Variants in HDAC9 observed in about 807,000 individuals in gnomAD.
The protein encoded by HDAC9 is histone deacetylase 9, also known as MEF-2 interacting transcription repressor (MITR) protein.
In HDAC9, 41 loss-of-function variants were observed where a neutral mutation model predicts 139.4. The observed-to-expected ratio is 0.29, with a 90% CI of 0.23 to 0.38. The LOEUF is 0.38. HDAC9 is among the 10% of genes least tolerant of loss of function. The pLI, the probability that HDAC9 is intolerant of heterozygous loss-of-function variation, is 1.00. For missense variants in HDAC9, 1,147 were observed against 1,297.0 expected, an observed-to-expected ratio of 0.88 and a Z score of 1.78; for synonymous variants, 517 against 476.2, an observed-to-expected ratio of 1.09 and a Z score of -1.12.
At chr7:18,151,520 C>T (rs968486674) in intron 1 of HDAC9, among the ~76,000 whole-genome samples, 1 of 152,198 alleles carries the variant, frequency 6.6e-6, no homozygotes, top group African/African-American at 2.4e-5. Context: ...AATGTCTTTG[C>T]AGCCTCCTTG....
intron 3 of HDAC9, among the ~76,000 whole-genome samples, chr7:18,587,287 T>C (rs1284885018): frequency 2.6e-5 from 4 of 152,172 alleles, no homozygotes; most frequent in Admixed American, 2.0e-4. Context: ...CTGGAAAATA[T>C]TGGAAAAGTG....
chr7:18,303,375 T>TTGTG (rs71014320), intron 1 of HDAC9, among the ~76,000 whole-genome samples: 15,421 of 127,346 alleles, frequency 0.12, 1,075 homozygotes, highest in Non-Finnish European at 0.15. Context: ...CCCAGCCAAT[T>TTGTG]TGTGTGTGTG....
intron 2 of HDAC9, among the ~76,000 whole-genome samples, chr7:18,190,960 AAATACTTG>A (rs1292560275): frequency 1.3e-5 from 2 of 152,338 alleles, no homozygotes; most frequent in Middle Eastern, 3.4e-3. Context: ...TATCACCAAT[AAATACTTG>A]AATACTATTA....
chr7:18,763,617 T>C (rs183026376), intron 15 of HDAC9, among the ~76,000 whole-genome samples: 51 of 152,286 alleles, frequency 3.3e-4, no homozygotes, highest in Admixed American at 2.3e-3. Flanking sequence ...ATACCTCTTT[T>C]GCTGCAAATA....
intron 14 of HDAC9, among the ~76,000 whole-genome samples, chr7:18,750,180 C>T (rs1380048804): frequency 6.6e-6 from 1 of 152,180 alleles, no homozygotes; most frequent in African/African-American, 2.4e-5. Flanking sequence ...TCCCCTTCCT[C>T]TGCAAACTAC....
intron 21 of HDAC9, among the ~76,000 whole-genome samples, chr7:18,846,964 G>C (rs1263025151): frequency 6.6e-6 from 1 of 152,158 alleles, no homozygotes; most frequent in African/African-American, 2.4e-5. Context: ...TGGAAGTGAG[G>C]CTTAATTCAA....
At position 18,539,174 on chromosome 7, in the gene HDAC9, C is replaced by T. The variant is rs1467278385; in HGVS notation, c.22+42850C>T. On this transcript the variant is annotated intron_variant, in intron 2 of 25. Transcript: ENST00000686413. ...CATTCACACAATGGCACCAAGTTAT[C>T]AAGGTGAACATCACCAGTGATAAGT... is the stretch of plus-strand genomic sequence containing the variant. Among the ~76,000 whole-genome samples the T allele has an allele frequency of 3.9e-5, 6 of 152,274 alleles. No individual in the cohort carries two copies. In the East Asian group the frequency reaches 9.6e-4, roughly 24 times the overall value.
chr7:18,787,146 G>T (rs1342849943), intron 16 of HDAC9, among the ~76,000 whole-genome samples: 1 of 152,088 alleles, frequency 6.6e-6, no homozygotes, highest in African/African-American at 2.4e-5. Flanking sequence ...AGGACTCTGG[G>T]AGTGTGGGTT....
intron 1 of HDAC9, among the ~76,000 whole-genome samples, chr7:18,396,292 G>C (rs1787050583): frequency 6.6e-6 from 1 of 152,042 alleles, no homozygotes; most frequent in African/African-American, 2.4e-5. Context: ...ATTTTAGTGA[G>C]GAATATGGAC....
chr7:18,311,412 G>C (rs2128625287), intron 1 of HDAC9, among the ~76,000 whole-genome samples: 1 of 151,934 alleles, frequency 6.6e-6, no homozygotes, highest in East Asian at 1.9e-4. Flanking sequence ...ATTTTATTAT[G>C]TTTAATTTCA....
rs745619606 is a variant in HDAC9 at position 18,590,330 on chromosome 7, C to T, written c.265-6C>T. On this transcript the variant is annotated splice_region_variant and splice_polypyrimidine_tract_variant and intron_variant, in intron 3 of 25. Coordinates refer to ENST00000686413, the MANE Select transcript of HDAC9 (RefSeq NM_178425.4). ...GCACACTCTCATGTCTTTCTCTTCT[C>T]GCAAGTTGCAACAGGAACTTCTAGC... 4 of 1,611,856 alleles carry T rather than the reference C, an allele frequency of 2.5e-6. No homozygotes were observed. The highest frequency in any genetic ancestry group is 2.2e-5 in the East Asian group (1 of 44,866).
At chr7:18,354,781 T>C (rs6461377) in intron 1 of HDAC9, among the ~76,000 whole-genome samples, 142,536 of 152,220 alleles carry the variant, frequency 0.94, 66,818 homozygotes, top group East Asian at 1. Context: ...CAATTGGATG[T>C]GGTGAGGGAA....
At chr7:18,175,488 A>C (rs967497600) in intron 2 of HDAC9, among the ~76,000 whole-genome samples, 4 of 152,178 alleles carry the variant, frequency 2.6e-5, no homozygotes, top group Non-Finnish European at 5.9e-5. Flanking sequence ...AGTCCCAGTG[A>C]GGTGAACCAG....
chr7:18,664,425 T>C (rs1454793595), intron 11 of HDAC9, among the ~76,000 whole-genome samples: 2 of 152,160 alleles, frequency 1.3e-5, no homozygotes, highest in East Asian at 3.9e-4. Flanking sequence ...TCCTAAGTTA[T>C]ATTTTATTTC....
At chr7:18,922,558 G>A (rs1050100958) in intron 22 of HDAC9, among the ~76,000 whole-genome samples, 6 of 151,988 alleles carry the variant, frequency 3.9e-5, no homozygotes, top group African/African-American at 1.4e-4. Context: ...CTTGGTCTGG[G>A]ATGAGGCTCA....
chr7:18,853,714 G>A (rs1464556069), intron 21 of HDAC9, among the ~76,000 whole-genome samples: 1 of 152,070 alleles, frequency 6.6e-6, no homozygotes, highest in African/African-American at 2.4e-5. Flanking sequence ...TAGAACTTAA[G>A]GGCAGCAGAA....
chr7:18,889,468 T>A (rs1800481145), intron 22 of HDAC9, among the ~76,000 whole-genome samples: 1 of 152,194 alleles, frequency 6.6e-6, no homozygotes, highest in Admixed American at 6.5e-5. Flanking sequence ...TTTAAAAATA[T>A]ATTTAAAGTC....
intron 2 of HDAC9, among the ~76,000 whole-genome samples, chr7:18,177,596 C>T (rs1789025274): frequency 6.6e-6 from 1 of 152,130 alleles, no homozygotes; most frequent in Admixed American, 6.5e-5. Context: ...CACCCAGCTC[C>T]TACTCCATTC....
chr7:18,852,104 T>C (rs1797343047), intron 21 of HDAC9, among the ~76,000 whole-genome samples: 1 of 152,196 alleles, frequency 6.6e-6, no homozygotes, highest in Non-Finnish European at 1.5e-5. Context: ...TAGCCTTTGG[T>C]GCTTTGAGGT....
Sources: allele counts gnomAD v4.1 joint callset (sites outside exome capture counted in the v4.1 genomes callset), GRCh38; gene constraint gnomAD v4.1.1; transcripts MANE v1.5; gene names NCBI Gene and HGNC (gene_info 2026-07-23, HGNC 2026-07-21).